HMGCLL1: variants seen among roughly 807,000 people sequenced by gnomAD.
HMGCLL1 encodes the protein 3-hydroxymethyl-3-methylglutaryl-CoA lyase, cytoplasmic.
Under a neutral mutation model 39.1 loss-of-function variants are expected in HMGCLL1, and 36 were observed. The observed-to-expected ratio is 0.92, with a 90% CI of 0.71 to 1.22. The LOEUF is 1.22. HMGCLL1 is among the 50% of genes most tolerant of loss of function. The pLI is 0.00. For synonymous variants in HMGCLL1, 149 were observed against 144.0 expected (o/e 1.03, Z -0.25); for missense variants, 451 against 416.5 (o/e 1.08, Z -0.72).
At chr6:55,503,471 A>G (rs1252606671) in intron 5 of HMGCLL1, among the ~76,000 whole-genome samples, 1 of 94,124 alleles carries the variant, frequency 1.1e-5, no homozygotes, top group Non-Finnish European at 2.4e-5. Context: ...TCATTGATGA[A>G]ACCTGAGACT....
rs75310061 is a variant in HMGCLL1, at chr6:55,506,252, T to C, written c.543-6953A>G. 3.8e-4 allele frequency among the ~76,000 whole-genome samples: 57 copies of C among 151,846 alleles called. No individual in the cohort carries two copies. In the East Asian group the frequency reaches 9.1e-3, roughly 24 times the overall value. On this transcript the variant is annotated intron_variant, in intron 5 of 8. Transcript: ENST00000274901. The stretch of plus-strand genomic sequence containing the variant: ...CTTGATCTTATTTTCTGCCATACCT[T>C]TTGAAACTTTCTATACCTTTTTGCT...
intron 3 of HMGCLL1, among the ~76,000 whole-genome samples, chr6:55,535,199 T>C (rs529699259): frequency 5.3e-5 from 8 of 152,318 alleles, no homozygotes; most frequent in Admixed American, 5.2e-4. Context: ...ATTTGTTATA[T>C]AAGAAATTCA....
the HMGCLL1 span, among the ~76,000 whole-genome samples, chr6:55,655,141 C>T: frequency 2.0e-5 from 3 of 151,934 alleles, no homozygotes; most frequent in African/African-American, 4.8e-5. Context: ...AAGCTATTTT[C>T]CCAATCCCCT....
At chr6:55,478,058 T>C (rs1765549680) in intron 7 of HMGCLL1, among the ~76,000 whole-genome samples, 2 of 150,332 alleles carry the variant, frequency 1.3e-5, no homozygotes, top group South Asian at 4.2e-4. Flanking sequence ...TGTGGAAAAA[T>C]ATGTGAGCTA....
the HMGCLL1 span, among the ~76,000 whole-genome samples, chr6:55,604,866 T>A: frequency 3.9e-5 from 6 of 152,232 alleles, no homozygotes; most frequent in Non-Finnish European, 1.5e-5. Context: ...TAAGCATTTT[T>A]ACATGTATTA....
At chr6:55,566,584 AC>A (rs1343716826) in intron 1 of HMGCLL1, 1 of 456,016 alleles carries the variant, frequency 2.2e-6, no homozygotes, top group Non-Finnish European at 4.4e-6. Context: ...AAGCTGCTTA[AC>A]CCTGAGGGGA....
chr6:55,669,059 C>T, the HMGCLL1 span, among the ~76,000 whole-genome samples: 1 of 148,402 alleles, frequency 6.7e-6, no homozygotes, highest in East Asian at 2.0e-4. Context: ...AAAGTACCAA[C>T]AACTAGAGCC....
chr6:55,589,695 T>C, the HMGCLL1 span, among the ~76,000 whole-genome samples: 1 of 152,188 alleles, frequency 6.6e-6, no homozygotes, highest in Non-Finnish European at 1.5e-5. Flanking sequence ...ATTAGCAACT[T>C]CAGCAAAGTC....
At chr6:55,547,470 T>A (rs1770052633) in intron 1 of HMGCLL1, among the ~76,000 whole-genome samples, 1 of 151,994 alleles carries the variant, frequency 6.6e-6, no homozygotes, top group Admixed American at 6.6e-5. Flanking sequence ...CCTAGGAAAA[T>A]AACATCATCT....
chr6:55,522,033 G>T (rs1050386054), intron 3 of HMGCLL1, among the ~76,000 whole-genome samples: 4 of 151,986 alleles, frequency 2.6e-5, no homozygotes, highest in Non-Finnish European at 5.9e-5. Flanking sequence ...GAAAGTTTGA[G>T]TGGTCTAGGC....
chr6:55,444,990 G>T (rs1280036948), intron 7 of HMGCLL1, among the ~76,000 whole-genome samples: 1 of 151,906 alleles, frequency 6.6e-6, no homozygotes, highest in Non-Finnish European at 1.5e-5. Flanking sequence ...TTCTCTTTCA[G>T]TAAGCTCTAT....
the HMGCLL1 span, among the ~76,000 whole-genome samples, chr6:55,595,457 AG>A: frequency 6.6e-6 from 1 of 152,232 alleles, no homozygotes. Context: ...CAAATAGAAA[AG>A]CAGTTCAGCT....
chr6:55,494,350 C>A (rs1290441404), intron 7 of HMGCLL1, among the ~76,000 whole-genome samples: 1 of 151,974 alleles, frequency 6.6e-6, no homozygotes, highest in Non-Finnish European at 1.5e-5. Context: ...AGAAAAATAA[C>A]TTCCAGTTGC....
At chr6:55,627,227 T>C in the HMGCLL1 span, among the ~76,000 whole-genome samples, 1 of 152,020 alleles carries the variant, frequency 6.6e-6, no homozygotes, top group Non-Finnish European at 1.5e-5. Flanking sequence ...GTTGAAAACA[T>C]TTTTGTGCAT....
intron 1 of HMGCLL1, chr6:55,563,801 G>A: frequency 8.7e-6 from 9 of 1,036,308 alleles, no homozygotes; most frequent in Non-Finnish European, 1.2e-5. Flanking sequence ...GAAGTTGTTA[G>A]GCTTCTCCTA....
At chr6:55,541,150 A>G (rs1291894397) in intron 3 of HMGCLL1, among the ~76,000 whole-genome samples, 5 of 152,164 alleles carry the variant, frequency 3.3e-5, no homozygotes, top group African/African-American at 1.2e-4. Flanking sequence ...GTCAAGTTTC[A>G]GAAGTAATGA....
chr6:55,646,527 T>C, the HMGCLL1 span, among the ~76,000 whole-genome samples: 2 of 152,062 alleles, frequency 1.3e-5, no homozygotes, highest in South Asian at 4.1e-4. Context: ...TGCAAGTGCT[T>C]ACAACTATAA....
intron 7 of HMGCLL1, among the ~76,000 whole-genome samples, chr6:55,466,404 G>A (rs1017282722): frequency 1.3e-5 from 2 of 152,018 alleles, no homozygotes; most frequent in Middle Eastern, 3.2e-3. Context: ...TTGAGAATCC[G>A]CTTTGAGAAT....
intron 3 of HMGCLL1, among the ~76,000 whole-genome samples, chr6:55,529,145 T>C (rs978232263): frequency 6.6e-5 from 10 of 152,106 alleles, no homozygotes; most frequent in African/African-American, 9.7e-5. Context: ...GGTCTTCCCA[T>C]GTCAAAACAA....
Sources: allele counts gnomAD v4.1 joint callset (sites outside exome capture counted in the v4.1 genomes callset), GRCh38; gene constraint gnomAD v4.1.1; transcripts MANE v1.5; gene names NCBI Gene and HGNC (gene_info 2026-07-23, HGNC 2026-07-21).